Variants in SHISA9 observed in about 807,000 individuals in gnomAD.
SHISA9 encodes shisa family member 9.
In SHISA9, 13 loss-of-function variants were observed where a neutral mutation model predicts 38.0. That is an observed-to-expected ratio of 0.34 (90% confidence interval 0.22 to 0.54). SHISA9 has a LOEUF of 0.54. SHISA9 is among the 20% of genes least tolerant of loss of function. The pLI, the probability that SHISA9 is intolerant of heterozygous loss-of-function variation, is 0.91. For missense variants in SHISA9, 538 were observed against 575.8 expected (o/e 0.93, Z 0.67); for synonymous variants, 275 against 242.0 (o/e 1.14, Z -1.27).
chr16:13,478,430 C>G, the SHISA9 span, among the ~76,000 whole-genome samples: 1 of 152,118 alleles, frequency 6.6e-6, no homozygotes, highest in Non-Finnish European at 1.5e-5. Context: ...GGTCAAATCC[C>G]TTTTGACCTA....
At chr16:13,324,555 G>C in the SHISA9 span, among the ~76,000 whole-genome samples, 2 of 152,066 alleles carry the variant, frequency 1.3e-5, no homozygotes, top group African/African-American at 2.4e-5. Flanking sequence ...GAGCTGCAGG[G>C]GTTGTTTTTT....
At chr16:13,286,911 T>G in the SHISA9 span, among the ~76,000 whole-genome samples, 16 of 152,188 alleles carry the variant, frequency 1.1e-4, no homozygotes, top group African/African-American at 3.6e-4. Flanking sequence ...TTCTTATTTT[T>G]TTATTAAGAA....
chr16:12,967,522 C>T (rs2071995746), intron 2 of SHISA9, among the ~76,000 whole-genome samples: 1 of 151,906 alleles, frequency 6.6e-6, no homozygotes, highest in African/African-American at 2.4e-5. Context: ...AACAAACCTG[C>T]ACGTTGTGCA....
chr16:13,290,721 A>C, the SHISA9 span, among the ~76,000 whole-genome samples: 2 of 152,070 alleles, frequency 1.3e-5, no homozygotes, highest in Non-Finnish European at 2.9e-5. Flanking sequence ...TTGGGCTCCT[A>C]CTGTGATAAA....
chr16:13,007,591 A>C (rs1216354140), intron 2 of SHISA9, among the ~76,000 whole-genome samples: 1 of 152,170 alleles, frequency 6.6e-6, no homozygotes, highest in Non-Finnish European at 1.5e-5. Flanking sequence ...CCATGACCCT[A>C]GGGTGAGAAC....
the SHISA9 span, among the ~76,000 whole-genome samples, chr16:13,307,397 C>T: frequency 6.6e-6 from 1 of 152,138 alleles, no homozygotes. Context: ...TTCAGACATC[C>T]AGGAATGAGG....
At chr16:13,458,349 A>G in the SHISA9 span, 21 of 341,450 alleles carry the variant, frequency 6.2e-5, no homozygotes, top group South Asian at 5.3e-4. Context: ...GTGATCACTG[A>G]TTTGGACCAG....
intron 2 of SHISA9, among the ~76,000 whole-genome samples, chr16:12,935,865 A>AC (rs2071525101): frequency 6.6e-6 from 1 of 151,096 alleles, no homozygotes; most frequent in East Asian, 1.9e-4. Flanking sequence ...AAAAAAAAAA[A>AC]AAAGAAGGGA....
chr16:12,925,979 G>C (rs1320164173), intron 2 of SHISA9, among the ~76,000 whole-genome samples: 1 of 152,076 alleles, frequency 6.6e-6, no homozygotes, highest in African/African-American at 2.4e-5. Context: ...ACCTGCCTCG[G>C]CCTCCCAAAG....
the SHISA9 span, among the ~76,000 whole-genome samples, chr16:13,415,935 T>G: frequency 6.6e-6 from 1 of 152,138 alleles, no homozygotes; most frequent in Non-Finnish European, 1.5e-5. Flanking sequence ...AAACTAATCT[T>G]TGGTGTTAGA....
intron 2 of SHISA9, among the ~76,000 whole-genome samples, chr16:13,084,238 A>G (rs2073686207): frequency 6.6e-6 from 1 of 152,242 alleles, no homozygotes; most frequent in African/African-American, 2.4e-5. Context: ...CCAAACCTGC[A>G]TAATCATATC....
chr16:13,342,769 C>T, the SHISA9 span, among the ~76,000 whole-genome samples: 6 of 152,146 alleles, frequency 3.9e-5, no homozygotes, highest in Non-Finnish European at 8.8e-5. Flanking sequence ...TTTGCAATCA[C>T]CTGCTTCCAA....
At chr16:12,920,893 T>C (rs1452039889) in intron 2 of SHISA9, among the ~76,000 whole-genome samples, 1 of 152,240 alleles carries the variant, frequency 6.6e-6, no homozygotes, top group Non-Finnish European at 1.5e-5. Context: ...ACTTTGATCA[T>C]AGAATTTTGG....
chr16:12,909,539 C>T, intron 1 of SHISA9: 1 of 985,356 alleles, frequency 1.0e-6, no homozygotes, highest in Non-Finnish European at 1.2e-6. Flanking sequence ...AAGAGATGCA[C>T]CATTTTCTTC....
chr16:13,356,063 C>A, the SHISA9 span, among the ~76,000 whole-genome samples: 7 of 152,200 alleles, frequency 4.6e-5, no homozygotes, highest in African/African-American at 1.4e-4. Flanking sequence ...TCTGGAGGAA[C>A]ACCTGGCCAC....
At chr16:12,987,871 A>G (rs1387173755) in intron 2 of SHISA9, among the ~76,000 whole-genome samples, 1 of 152,236 alleles carries the variant, frequency 6.6e-6, no homozygotes, top group Non-Finnish European at 1.5e-5. Flanking sequence ...AGAGGCGGCA[A>G]TGGAGGCTTC....
chr16:13,335,116 T>G, the SHISA9 span, among the ~76,000 whole-genome samples: 1 of 152,226 alleles, frequency 6.6e-6, no homozygotes, highest in Non-Finnish European at 1.5e-5. Context: ...CTGTCATTCA[T>G]CCATTGGCTG....
At chr16:13,330,591 C>T in the SHISA9 span, among the ~76,000 whole-genome samples, 1 of 152,196 alleles carries the variant, frequency 6.6e-6, no homozygotes, top group Non-Finnish European at 1.5e-5. Flanking sequence ...CTTCCACGCT[C>T]TTTTATTTTG....
the SHISA9 span, among the ~76,000 whole-genome samples, chr16:13,476,316 C>G: frequency 2.0e-5 from 3 of 152,156 alleles, no homozygotes; most frequent in African/African-American, 4.8e-5. Context: ...TTACCCCTCC[C>G]AAGTTACATT....
Sources: allele counts gnomAD v4.1 joint callset (sites outside exome capture counted in the v4.1 genomes callset), GRCh38; gene constraint gnomAD v4.1.1; transcripts MANE v1.5; gene names NCBI Gene and HGNC (gene_info 2026-07-23, HGNC 2026-07-21).